Variants in MLXIPL observed in about 807,000 individuals in gnomAD.
MLXIPL encodes the protein carbohydrate-responsive element-binding protein.
In MLXIPL, 49 loss-of-function variants were observed where a neutral mutation model predicts 81.5. That is an observed-to-expected ratio of 0.60 (90% CI 0.48 to 0.76). The LOEUF is 0.76. MLXIPL is among the 30% of genes least tolerant of loss of function. The pLI, the probability that MLXIPL is intolerant of heterozygous loss-of-function variation, is 0.00. For synonymous variants in MLXIPL, 466 were observed against 485.5 expected, an observed-to-expected ratio of 0.96 and a Z score of 0.53; for missense variants, 1,053 against 1,167.0, an observed-to-expected ratio of 0.90 and a Z score of 1.42.
intron 15 of MLXIPL, among the ~76,000 whole-genome samples, chr7:73,594,846 CTTTTTT>C (rs33938430): frequency 1.9e-5 from 2 of 106,706 alleles, no homozygotes; most frequent in East Asian, 2.9e-4. Context: ...TGTGCTCGGA[CTTTTTT>C]TTTTTTTTTT....
At chr7:73,632,841 G>A in the MLXIPL span, among the ~76,000 whole-genome samples, 26 of 130,562 alleles carry the variant, frequency 2.0e-4, no homozygotes, top group Non-Finnish European at 2.6e-4. Context: ...GTGCAGTGGC[G>A]CGATCTCAGC....
Position 73,606,087 on chromosome 7 carries a change from C to CCGG in MLXIPL, c.640_642dup (p.Pro214dup), listed in dbSNP as rs1489102528. ...GAGAAGAGCTGTTTGCACCATTGCTCCGGCGGCGGCCACCTGCCTTCCGCC... is the reference window on the plus strand; with the variant it reads ...GAGAAGAGCTGTTTGCACCATTGCTCCGGCGGCGGCGGCCACCTGCCTTCCGCC... On this transcript the variant is annotated inframe_insertion, in exon 6 of 17. Coordinates refer to ENST00000313375, the MANE Select transcript of MLXIPL (RefSeq NM_032951.3). 1.3e-6 allele frequency: 2 copies of CCGG among 1,583,006 alleles called. No individual in the cohort carries two copies. Among genetic ancestry groups the CCGG allele is most frequent in the Non-Finnish European group, 8.6e-7 (1 of 1,164,758 alleles).
upstream of MLXIPL, among the ~76,000 whole-genome samples, chr7:73,626,329 G>T (rs1286065924): frequency 6.6e-6 from 1 of 151,942 alleles, no homozygotes; most frequent in Non-Finnish European, 1.5e-5. Context: ...TAGAGACAGG[G>T]TCTCGCTCTG....
the MLXIPL span, among the ~76,000 whole-genome samples, chr7:73,635,307 GAGA>G: frequency 1.3e-5 from 2 of 152,082 alleles, no homozygotes; most frequent in South Asian, 2.1e-4. Flanking sequence ...AGAGAAAGAG[GAGA>G]AGAAGGGGAG....
chr7:73,607,485 C>A (rs1323420591), intron 3 of MLXIPL, 65 bp from the exon 4 acceptor site: 21 of 1,532,848 alleles, frequency 1.4e-5, no homozygotes, highest in Non-Finnish European at 1.8e-5. Context: ...ATCTCCCACC[C>A]TTCACCCCAT....
In MLXIPL at chr7:73,607,437, G is replaced by A; in HGVS notation, c.484-17C>T. 6.5e-7 allele frequency: 1 copy of A among 1,549,982 alleles called. No homozygotes were observed. The highest frequency in any genetic ancestry group is 8.7e-7 in the Non-Finnish European group (1 of 1,145,156). ...GACCACGGCCTGGGGTAGGGGCCGG[G>A]GGAGGGGGATCAGTAGAGAGGGGAG... On this transcript the variant is annotated splice_polypyrimidine_tract_variant and intron_variant, in intron 3 of 16. Coordinates refer to ENST00000313375, the MANE Select transcript of MLXIPL (RefSeq NM_032951.3).
chr7:73,595,069 C>T (rs1554593186), intron 15 of MLXIPL, among the ~76,000 whole-genome samples: 1 of 152,114 alleles, frequency 6.6e-6, no homozygotes, highest in African/African-American at 2.4e-5. Context: ...TGGTCTTGAA[C>T]TCCTGGCCTC....
Position 73,606,105 on chromosome 7 carries a change from C to T in MLXIPL, c.625G>A (p.Gly209Ser). 2 of 1,575,846 alleles carry T rather than the reference C, an allele frequency of 1.3e-6. No individual in the cohort carries two copies. The highest frequency in any genetic ancestry group is 1.7e-6 in the Non-Finnish European group (2 of 1,160,924). Residue 209 changes from glycine (G) to serine (S), a missense_variant, in exon 6 of 17, where the codon GGC becomes AGC. By Grantham distance (56) the Gly-to-Ser change is moderately conservative. Coordinates refer to ENST00000313375, the MANE Select transcript of MLXIPL (RefSeq NM_032951.3). ...CATTGCTCCGGCGGCGGCCACCTGC[C>T]TTCCGCCTAGGGAGACAGAGCCGTC... ...DDLLAPKQAE[G>S]RWPPPEQWCK...
chr7:73,594,206 C>G, intron 16 of MLXIPL, 68 bp downstream of exon 16: 1 of 1,598,070 alleles, frequency 6.3e-7, no homozygotes, highest in Non-Finnish European at 8.5e-7. Flanking sequence ...GGGATCTAAG[C>G]AGGGTGGAAT....
In MLXIPL at chr7:73,605,926, C is replaced by T. The variant is rs1467851187; in HGVS notation, c.804G>A (p.Gln268=). The T allele has an allele frequency of 6.3e-7, 1 of 1,590,002 alleles. No homozygotes were observed. The highest frequency in any genetic ancestry group is 8.6e-7 in the Non-Finnish European group (1 of 1,167,770). Residue 268 remains glutamine, a synonymous_variant, in exon 6 of 17, where the codon CAG becomes CAA. Coordinates refer to ENST00000313375, the MANE Select transcript of MLXIPL (RefSeq NM_032951.3). ...GACCCTCACCATCCTCAGGCGGCAGCTGCAGGGGCGAAGGGCCGGACTGAG... is the reference window on the plus strand; with the variant it reads ...GACCCTCACCATCCTCAGGCGGCAGTTGCAGGGGCGAAGGGCCGGACTGAG... ...TMTQSGPSPL[Q]LPPEDAYVGN...
At chr7:73,640,925 C>T in the MLXIPL span, among the ~76,000 whole-genome samples, 1 of 152,010 alleles carries the variant, frequency 6.6e-6, no homozygotes, top group African/African-American at 2.4e-5. Context: ...AGAGTCTGTC[C>T]CTGAGCAGAC....
intron 1 of MLXIPL, 72 bp downstream of exon 1, chr7:73,624,128 C>A: frequency 6.8e-7 from 1 of 1,471,554 alleles, no homozygotes; most frequent in Non-Finnish European, 9.0e-7. Flanking sequence ...CCCCAGCGCG[C>A]AGTCCTGCCC....
At chr7:73,646,837 G>A in the MLXIPL span, among the ~76,000 whole-genome samples, 3 of 152,114 alleles carry the variant, frequency 2.0e-5, no homozygotes, top group Admixed American at 2.0e-4. Flanking sequence ...CTTGGGCAAA[G>A]TGGGGACCAG....
At chr7:73,640,030 C>A in the MLXIPL span, among the ~76,000 whole-genome samples, 1 of 151,492 alleles carries the variant, frequency 6.6e-6, no homozygotes, top group Non-Finnish European at 1.5e-5. Flanking sequence ...CCACTCCACT[C>A]CAGCCTGGGC....
intron 1 of MLXIPL, 76 bp downstream of exon 1, chr7:73,624,124 C>T: frequency 6.8e-7 from 1 of 1,464,502 alleles, no homozygotes; most frequent in Non-Finnish European, 9.1e-7. Context: ...AGGGCCCCAG[C>T]GCGCAGTCCT....
chr7:73,600,274 A>C (rs956795914), intron 7 of MLXIPL, among the ~76,000 whole-genome samples: 1 of 148,356 alleles, frequency 6.7e-6, no homozygotes, highest in African/African-American at 2.5e-5. Context: ...AGAGGGGCCT[A>C]AGGCTGGGCT....
At chr7:73,595,418 C>T (rs1794195989) in intron 15 of MLXIPL, among the ~76,000 whole-genome samples, 1 of 152,170 alleles carries the variant, frequency 6.6e-6, no homozygotes, top group Non-Finnish European at 1.5e-5. Context: ...AGGACTCCTC[C>T]CTCAGTTTCC....
chr7:73,599,124 T>A lies in MLXIPL; in HGVS notation c.1071+402A>T, dbSNP rs572515127. ...GGAATTGATGAACCAAAATGGTAGA[T>A]TCACTGTTTCCTAAACATCCACGCT... On this transcript the variant is annotated intron_variant, in intron 8 of 16. Coordinates refer to ENST00000313375, the MANE Select transcript of MLXIPL (RefSeq NM_032951.3). Among the ~76,000 whole-genome samples, 7 of 151,460 alleles carry A rather than the reference T, an allele frequency of 4.6e-5. No individual in the cohort carries two copies. The South Asian group carries it at 1.5e-3, about 32-fold the overall frequency.
At chr7:73,599,881 C>G (rs1794648509) in intron 7 of MLXIPL, among the ~76,000 whole-genome samples, 186 bp from the exon 8 acceptor site, 1 of 151,958 alleles carries the variant, frequency 6.6e-6, no homozygotes, top group African/African-American at 2.4e-5. Context: ...TTAGGGGAAG[C>G]AGCAACCGTC....
Sources: allele counts gnomAD v4.1 joint callset (sites outside exome capture counted in the v4.1 genomes callset), GRCh38; gene constraint gnomAD v4.1.1; transcripts MANE v1.5; gene names NCBI Gene and HGNC (gene_info 2026-07-23, HGNC 2026-07-21).